RBMS3: variants seen among roughly 807,000 people sequenced by gnomAD.
RBMS3 encodes RNA-binding motif, single-stranded-interacting protein 3.
RBMS3 carries 27 observed loss-of-function variants against 66.8 expected under a neutral mutation model. That is an observed-to-expected ratio of 0.40 (90% CI 0.30 to 0.56). RBMS3 has a LOEUF of 0.56. Among genes scored for constraint, RBMS3 ranks in the 20% least tolerant of loss-of-function variants. RBMS3 has a pLI of 0.40. For missense variants in RBMS3, 513 were observed against 549.5 expected, an observed-to-expected ratio of 0.93 and a Z score of 0.66; for synonymous variants, 188 against 183.0, an observed-to-expected ratio of 1.03 and a Z score of -0.22.
chr3:29,583,130 G>T (rs1243488995), intron 3 of RBMS3, among the ~76,000 whole-genome samples: 2 of 152,068 alleles, frequency 1.3e-5, no homozygotes, highest in African/African-American at 4.8e-5. Context: ...TTTTTTCAAA[G>T]TTTAGCCAGA....
chr3:29,413,874 T>A (rs1290804475), intron 1 of RBMS3, among the ~76,000 whole-genome samples: 2 of 152,202 alleles, frequency 1.3e-5, no homozygotes, highest in Non-Finnish European at 2.9e-5. Flanking sequence ...AATGCCTGCA[T>A]CAGGGACATG....
intron 1 of RBMS3, among the ~76,000 whole-genome samples, chr3:29,290,278 G>A (rs529204528): frequency 1.1e-4 from 17 of 151,922 alleles, no homozygotes; most frequent in African/African-American, 4.1e-4. Flanking sequence ...AGTATTTGAA[G>A]TATTTAAGAG....
chr3:29,573,484 T>TAA (rs2149070640), intron 3 of RBMS3, among the ~76,000 whole-genome samples: 1 of 152,268 alleles, frequency 6.6e-6, no homozygotes, highest in South Asian at 2.1e-4. Context: ...TTAGTCTGGC[T>TAA]AAAAGTTTGC....
intron 1 of RBMS3, among the ~76,000 whole-genome samples, chr3:29,415,819 A>T (rs189085515): frequency 6.6e-6 from 1 of 152,218 alleles, no homozygotes; most frequent in East Asian, 1.9e-4. Context: ...TTATCAGTAT[A>T]CTGTATATCT....
intron 6 of RBMS3, among the ~76,000 whole-genome samples, chr3:29,789,263 T>A (rs2149423807): frequency 6.6e-6 from 1 of 152,232 alleles, no homozygotes; most frequent in Non-Finnish European, 1.5e-5. Context: ...TTTATCCTTT[T>A]TAAAAATCTG....
chr3:29,763,002 C>G lies in RBMS3; in HGVS notation c.637+13C>G, dbSNP rs765952109. On this transcript the variant is annotated intron_variant, in intron 6 of 14. Transcript: ENST00000383767. ...CCAGGCATCCCAGGTAAGAAATTCA[C>G]TAATAAGTGACTGAATGATGCCGAG... is the stretch of plus-strand genomic sequence containing the variant. The G allele has an allele frequency of 6.5e-6, 10 of 1,548,092 alleles. No individual in the cohort carries two copies. In the African/African-American group the frequency reaches 1.1e-4, roughly 17 times the overall value.
chr3:29,840,706 C>T (rs1014216802), intron 6 of RBMS3, among the ~76,000 whole-genome samples: 3 of 151,968 alleles, frequency 2.0e-5, no homozygotes, highest in South Asian at 2.1e-4. Context: ...ATTTTTGTAC[C>T]TAGACAGCAT....
chr3:29,452,182 C>G (rs776696374), intron 2 of RBMS3, among the ~76,000 whole-genome samples: 1 of 152,136 alleles, frequency 6.6e-6, no homozygotes, highest in Non-Finnish European at 1.5e-5. Flanking sequence ...ATATGGCTCC[C>G]TCTCAATAGG....
intron 1 of RBMS3, among the ~76,000 whole-genome samples, chr3:29,353,971 G>A (rs1575599378): frequency 6.6e-6 from 1 of 152,216 alleles, no homozygotes; most frequent in East Asian, 1.9e-4. Flanking sequence ...ACACGAATTA[G>A]TATTAGATCT....
intron 3 of RBMS3, among the ~76,000 whole-genome samples, chr3:29,541,379 C>T (rs2045749989): frequency 6.6e-6 from 1 of 152,184 alleles, no homozygotes; most frequent in African/African-American, 2.4e-5. Flanking sequence ...GTCAACTCTG[C>T]TCTTCCAGTT....
Position 29,584,876 on chromosome 3 carries a change from C to T in RBMS3, c.308-2238C>T, listed in dbSNP as rs375938538. Among the ~76,000 whole-genome samples, 14 of 152,204 alleles carry T rather than the reference C, an allele frequency of 9.2e-5. No individual in the cohort carries two copies. The East Asian group carries it at 1.4e-3, about 15-fold the overall frequency. ...TCCCATTCTAGCTTCCCAGCTCCCC[C>T]GCAACATTGCAATCTCAATTTAAAA... On this transcript the variant is annotated intron_variant, in intron 3 of 14. Transcript: ENST00000383767.
At chr3:29,599,374 C>G (rs2048068506) in intron 4 of RBMS3, among the ~76,000 whole-genome samples, 1 of 150,608 alleles carries the variant, frequency 6.6e-6, no homozygotes, top group Non-Finnish European at 1.5e-5. Flanking sequence ...AATATATAAT[C>G]CTACTATGCA....
chr3:29,909,605 A>AT (rs1195376355), intron 10 of RBMS3, among the ~76,000 whole-genome samples: 1 of 152,058 alleles, frequency 6.6e-6, no homozygotes, highest in Non-Finnish European at 1.5e-5. Flanking sequence ...GCTTTAATAC[A>AT]TTTTTTAAAT....
intron 1 of RBMS3, among the ~76,000 whole-genome samples, chr3:29,410,032 G>A (rs1166312409): frequency 6.6e-6 from 1 of 152,142 alleles, no homozygotes; most frequent in African/African-American, 2.4e-5. Flanking sequence ...TTGTACTAGA[G>A]TCAGGCAGCT....
chr3:29,973,458 C>T (rs754021709), intron 12 of RBMS3, among the ~76,000 whole-genome samples: 1 of 151,998 alleles, frequency 6.6e-6, no homozygotes, highest in African/African-American at 2.4e-5. Flanking sequence ...CCAGGATACC[C>T]AATGTATTAG....
intron 2 of RBMS3, among the ~76,000 whole-genome samples, chr3:29,456,309 C>T (rs2042188909): frequency 1.3e-5 from 2 of 152,034 alleles, no homozygotes. Context: ...CATGTGTTTT[C>T]CACTCTCCCT....
At chr3:29,497,942 T>C (rs1430772905) in intron 3 of RBMS3, among the ~76,000 whole-genome samples, 2 of 150,208 alleles carry the variant, frequency 1.3e-5, no homozygotes, top group African/African-American at 4.9e-5. Flanking sequence ...CAGATGCATA[T>C]GTTTCTCAGA....
chr3:29,968,370 C>T (rs1455295541), intron 12 of RBMS3, among the ~76,000 whole-genome samples: 1 of 152,120 alleles, frequency 6.6e-6, no homozygotes, highest in African/African-American at 2.4e-5. Context: ...GGTTTCTCTC[C>T]CCATTCAAAT....
intron 1 of RBMS3, among the ~76,000 whole-genome samples, chr3:29,335,405 G>A (rs970984561): frequency 2.6e-5 from 4 of 152,176 alleles, no homozygotes; most frequent in African/African-American, 9.7e-5. Flanking sequence ...TATAGTCCAC[G>A]TGGCACATTC....
Sources: allele counts gnomAD v4.1 joint callset (sites outside exome capture counted in the v4.1 genomes callset), GRCh38; gene constraint gnomAD v4.1.1; transcripts MANE v1.5; gene names NCBI Gene and HGNC (gene_info 2026-07-23, HGNC 2026-07-21).